DLG1: variants seen among roughly 807,000 people sequenced by gnomAD.
The protein encoded by DLG1 is discs large MAGUK scaffold protein 1, also known as disks large homolog 1.
DLG1 carries 42 observed loss-of-function variants against 123.4 expected under a neutral mutation model. That is an observed-to-expected ratio of 0.34 (90% CI 0.27 to 0.44). The LOEUF is 0.44. Among genes scored for constraint, DLG1 ranks in the 20% least tolerant of loss-of-function variants. The pLI is 1.00. For synonymous variants in DLG1, 317 were observed against 356.2 expected (o/e 0.89, Z 1.24); for missense variants, 942 against 1,082.6 (o/e 0.87, Z 1.82).
At chr3:197,085,440 T>A (rs1303108857) in intron 16 of DLG1, 140 bp downstream of exon 16, 3 of 805,226 alleles carry the variant, frequency 3.7e-6, no homozygotes, top group Non-Finnish European at 6.0e-6. Context: ...ATCATACGAT[T>A]TTTGTCTTTC....
intron 11 of DLG1, among the ~76,000 whole-genome samples, chr3:197,128,483 G>A (rs904781755): frequency 2.0e-5 from 3 of 152,174 alleles, no homozygotes; most frequent in Admixed American, 6.5e-5. Context: ...AGTCATCCAA[G>A]AGGGCTGGAA....
chr3:197,239,665 T>C (rs141332952), intron 4 of DLG1, among the ~76,000 whole-genome samples: 25 of 152,192 alleles, frequency 1.6e-4, no homozygotes, highest in Non-Finnish European at 3.1e-4. Context: ...GAATATAGAA[T>C]AAATCAACAT....
At chr3:197,291,303 ACACAC>A (rs1774785895) in intron 3 of DLG1, among the ~76,000 whole-genome samples, 1 of 60,642 alleles carries the variant, frequency 1.6e-5, no homozygotes, top group African/African-American at 6.0e-5. Flanking sequence ...ACAAAGTTAC[ACACAC>A]ACACACACAC....
intron 5 of DLG1, 140 bp downstream of exon 5, chr3:197,194,285 T>C: frequency 6.7e-6 from 3 of 444,766 alleles, no homozygotes; most frequent in South Asian, 1.5e-4. Flanking sequence ...CACCTTGAAA[T>C]TCTCCATAAC....
chr3:197,153,354 TG>T (rs1239354213), intron 5 of DLG1, among the ~76,000 whole-genome samples: 1 of 152,210 alleles, frequency 6.6e-6, no homozygotes, highest in East Asian at 1.9e-4. Flanking sequence ...TGGAGTCTAC[TG>T]AAGGCTGGCA....
chr3:197,099,477 A>G (rs1762335386), intron 14 of DLG1, among the ~76,000 whole-genome samples: 1 of 152,240 alleles, frequency 6.6e-6, no homozygotes, highest in Non-Finnish European at 1.5e-5. Flanking sequence ...TCTCCATTCA[A>G]CATCTCAAAA....
Position 197,208,942 on chromosome 3 carries a change from T to A in DLG1, c.319-14353A>T, listed in dbSNP as rs1207493966. Among the ~76,000 whole-genome samples, 2 of 145,912 alleles carry A rather than the reference T, an allele frequency of 1.4e-5. 1 individual carries two copies. The highest frequency in any genetic ancestry group is 1.4e-4 in the Admixed American group (2 of 14,504). ...AAATTTTAATGAGTTGATAAAACAA[T>A]CATTACAGGAGATACTGGTACACAG... On this transcript the variant is annotated intron_variant, in intron 4 of 24. Coordinates refer to ENST00000667157, the MANE Select transcript of DLG1 (RefSeq NM_001366207.1).
chr3:197,295,843 T>C (rs1042002897), intron 3 of DLG1, among the ~76,000 whole-genome samples: 2 of 152,226 alleles, frequency 1.3e-5, no homozygotes, highest in African/African-American at 4.8e-5. Context: ...AATAAAACTT[T>C]CCATTTTCTT....
intron 13 of DLG1, among the ~76,000 whole-genome samples, chr3:197,108,852 C>T (rs1002850993): frequency 6.6e-6 from 1 of 152,080 alleles, no homozygotes; most frequent in Non-Finnish European, 1.5e-5. Context: ...AGTGCTTAAT[C>T]TGTTTATATT....
chr3:197,197,887 G>A (rs1360054953), intron 4 of DLG1, among the ~76,000 whole-genome samples: 3 of 152,150 alleles, frequency 2.0e-5, no homozygotes, highest in Non-Finnish European at 4.4e-5. Context: ...TGCCAAGGGA[G>A]AAAGAATAGT....
Position 197,091,724 on chromosome 3 carries a change from A to G in DLG1, c.1547-698T>C, listed in dbSNP as rs142723481. ...ATCTATTAATGACAAAAGTTTAAGC[A>G]CCTTTTCAAAAATATTGCAGTTACA... is the stretch of plus-strand genomic sequence containing the variant. On this transcript the variant is annotated intron_variant, in intron 14 of 24. Transcript: ENST00000667157. Among the ~76,000 whole-genome samples the G allele has an allele frequency of 5.9e-3, 904 of 152,244 alleles. 4 individuals carry two copies. Among genetic ancestry groups the G allele is most frequent in the South Asian group, 0.021 (103 of 4,832 alleles).
chr3:197,298,271 C>T, intron 1 of DLG1: 1 of 368,868 alleles, frequency 2.7e-6, no homozygotes, highest in Non-Finnish European at 4.8e-6. Context: ...CGGGGGAGGG[C>T]AGGGGAACGG....
chr3:197,190,073 A>G (rs1192092036), intron 5 of DLG1, among the ~76,000 whole-genome samples: 10 of 152,246 alleles, frequency 6.6e-5, no homozygotes, highest in South Asian at 4.1e-4. Flanking sequence ...TTTAAAGCAG[A>G]TACCAAAAAA....
At chr3:197,180,569 A>C (rs1809684661) in intron 5 of DLG1, among the ~76,000 whole-genome samples, 1 of 152,254 alleles carries the variant, frequency 6.6e-6, no homozygotes, top group South Asian at 2.1e-4. Context: ...ACATTAAAAA[A>C]TAAAACAACC....
At chr3:197,068,962 C>CA (rs1741595992) in intron 19 of DLG1, among the ~76,000 whole-genome samples, 1 of 151,860 alleles carries the variant, frequency 6.6e-6, no homozygotes, top group Non-Finnish European at 1.5e-5. Flanking sequence ...TTACTTCTTA[C>CA]AAAAAATACA....
intron 3 of DLG1, among the ~76,000 whole-genome samples, chr3:197,288,505 T>C (rs139740915): frequency 0.041 from 6,163 of 150,924 alleles, 180 homozygotes; most frequent in Non-Finnish European, 0.056. Context: ...GCGGATCACC[T>C]GAGGTCAGGA....
At chr3:197,266,595 G>A (rs773602634) in intron 4 of DLG1, among the ~76,000 whole-genome samples, 7 of 151,974 alleles carry the variant, frequency 4.6e-5, no homozygotes, top group Admixed American at 1.3e-4. Context: ...CCTGGGCGAC[G>A]CAGCAAGACC....
intron 24 of DLG1, among the ~76,000 whole-genome samples, chr3:197,046,685 C>T (rs940899248): frequency 6.6e-6 from 1 of 152,048 alleles, no homozygotes; most frequent in Non-Finnish European, 1.5e-5. Flanking sequence ...GCCTGGGCAA[C>T]ATGGCGAAAT....
intron 3 of DLG1, among the ~76,000 whole-genome samples, chr3:197,283,285 G>A (rs1297977682): frequency 7.2e-5 from 11 of 152,136 alleles, no homozygotes; most frequent in East Asian, 1.9e-4. Flanking sequence ...AGTTATTACC[G>A]TTCACCACCA....
Sources: gnomAD v4.1 joint callset for allele counts (sites outside exome capture counted in the v4.1 genomes callset) on GRCh38, gnomAD v4.1.1 for gene constraint, MANE v1.5 for transcripts, NCBI Gene and HGNC (gene_info 2026-07-23, HGNC 2026-07-21) for gene names.